Variants in DOK6 observed in about 807,000 individuals in gnomAD.
DOK6 encodes the protein downstream of tyrosine kinase 6.
In DOK6, 22 loss-of-function variants were observed where a neutral mutation model predicts 44.0. That is an observed-to-expected ratio of 0.50 (90% CI 0.36 to 0.71). The LOEUF is 0.71. Among genes scored for constraint, DOK6 ranks in the 30% least tolerant of loss-of-function variants. The pLI, the probability that DOK6 is intolerant of heterozygous loss-of-function variation, is 0.00. For synonymous variants in DOK6, 166 were observed against 145.5 expected, an observed-to-expected ratio of 1.14 and a Z score of -1.01; for missense variants, 340 against 416.4, an observed-to-expected ratio of 0.82 and a Z score of 1.60.
intron 5 of DOK6, among the ~76,000 whole-genome samples, chr18:69,723,530 A>G (rs547606169): frequency 2.0e-5 from 3 of 152,306 alleles, no homozygotes; most frequent in Non-Finnish European, 1.5e-5. Context: ...TCACAGTCTA[A>G]GAACAGGAAA....
intron 7 of DOK6, among the ~76,000 whole-genome samples, chr18:69,811,558 ATATATATATATATATATATC>A (rs1431055065): frequency 0.092 from 1,586 of 17,146 alleles, 62 homozygotes; most frequent in African/African-American, 0.13. Flanking sequence ...ATATATATAT[ATATATATATATATATATATC>A]AAAACACTAC....
At position 69,564,566 on chromosome 18, in the gene DOK6, A is replaced by C. The variant is rs1171179119; in HGVS notation, c.146A>C (p.Lys49Thr). ...PRRLEKFPDE[K>T]AAYFRNFHKV... ...AGGTTAGAAAAATTTCCAGATGAAAAGGCAGCTTATTTCAGAAACTTTCAT... is the reference window on the plus strand; with the variant it reads ...AGGTTAGAAAAATTTCCAGATGAAACGGCAGCTTATTTCAGAAACTTTCAT... The change falls in exon 2 of 8, where the codon AAG becomes ACG. Residue 49 changes from lysine to threonine, a missense_variant. Transcript: ENST00000382713. 1 of 1,613,814 alleles carries C rather than the reference A, an allele frequency of 6.2e-7. No individual in the cohort carries two copies.
intron 4 of DOK6, among the ~76,000 whole-genome samples, chr18:69,694,042 G>A (rs1031895405): frequency 8.8e-6 from 1 of 113,082 alleles, no homozygotes; most frequent in South Asian, 3.1e-4. Context: ...CTGGGCGACA[G>A]AGCGAGACTC....
At chr18:69,429,663 A>ATATC (rs5825937) in intron 1 of DOK6, among the ~76,000 whole-genome samples, 8 of 110,194 alleles carry the variant, frequency 7.3e-5, no homozygotes, top group Non-Finnish European at 1.2e-4. Context: ...ATATATATAT[A>ATATC]TCTTATTAAT....
At chr18:69,561,610 C>T (rs1982834040) in intron 1 of DOK6, among the ~76,000 whole-genome samples, 1 of 151,920 alleles carries the variant, frequency 6.6e-6, no homozygotes, top group Non-Finnish European at 1.5e-5. Context: ...TAATATAGTT[C>T]ATAATTTTCA....
intron 1 of DOK6, among the ~76,000 whole-genome samples, chr18:69,554,048 G>T (rs1019479453): frequency 6.6e-6 from 1 of 152,058 alleles, no homozygotes; most frequent in Non-Finnish European, 1.5e-5. Context: ...CAATAATAAG[G>T]AGAAAACCAA....
At position 69,807,360 on chromosome 18, in the gene DOK6, C is replaced by A. The variant is rs139835746; in HGVS notation, c.857-33884C>A. ...AGAATCGTTTAATCACAAAGGAAGACAACAAGAGATGAAGAACGCAGCAAA... is the reference window on the plus strand; with the variant it reads ...AGAATCGTTTAATCACAAAGGAAGAAAACAAGAGATGAAGAACGCAGCAAA... On this transcript the variant is annotated intron_variant, in intron 7 of 7. Coordinates refer to ENST00000382713, the MANE Select transcript of DOK6 (RefSeq NM_152721.6). Among the ~76,000 whole-genome samples, 1,244 of 151,850 alleles carry A rather than the reference C, an allele frequency of 8.2e-3. 7 individuals are homozygous for A. The highest frequency in any genetic ancestry group is 0.012 in the Non-Finnish European group (803 of 67,840).
intron 4 of DOK6, among the ~76,000 whole-genome samples, chr18:69,686,256 CCA>C (rs764190496): frequency 1.4e-4 from 21 of 152,098 alleles, no homozygotes; most frequent in Non-Finnish European, 2.8e-4. Flanking sequence ...TTTCTTTAAG[CCA>C]CCCAGTCTGT....
chr18:69,588,333 T>C (rs1170255031), intron 2 of DOK6, among the ~76,000 whole-genome samples: 1 of 152,218 alleles, frequency 6.6e-6, no homozygotes, highest in East Asian at 1.9e-4. Context: ...CAAGGTTGCT[T>C]GATTCGGTAA....
rs542735573 is a variant in DOK6, at chr18:69,535,359, T to G, written c.67-29128T>G. On this transcript the variant is annotated intron_variant, in intron 1 of 7. Transcript: ENST00000382713. ...TTGTTGCTGGTAGACAGGAAAGCAA[T>G]TGCTTTCTGCATATTCATGTTACGG... 3.3e-5 allele frequency among the ~76,000 whole-genome samples: 5 copies of G among 152,192 alleles called. No homozygotes were observed. In the South Asian group the frequency reaches 1.0e-3, roughly 32 times the overall value.
chr18:69,525,930 A>AAC (rs1292303082), intron 1 of DOK6, among the ~76,000 whole-genome samples: 1 of 152,068 alleles, frequency 6.6e-6, no homozygotes, highest in Non-Finnish European at 1.5e-5. Flanking sequence ...TGGCTCATGA[A>AAC]ACACACACAG....
At chr18:69,761,660 A>G (rs745882) in intron 7 of DOK6, among the ~76,000 whole-genome samples, 87,479 of 151,892 alleles carry the variant, frequency 0.58, 26,863 homozygotes, top group East Asian at 0.72. Context: ...TATCCAGCCA[A>G]GTCCAAGGGA....
chr18:69,526,043 A>C (rs957111860), intron 1 of DOK6, among the ~76,000 whole-genome samples: 1 of 152,098 alleles, frequency 6.6e-6, no homozygotes, highest in African/African-American at 2.4e-5. Context: ...ACATACTCCT[A>C]CATCCCTCAT....
chr18:69,550,208 A>ATGTTT (rs879694226), intron 1 of DOK6, among the ~76,000 whole-genome samples: 2,546 of 148,588 alleles, frequency 0.017, 48 homozygotes, highest in Middle Eastern at 0.035. Flanking sequence ...ACTAAGAAGC[A>ATGTTT]AAGCCATCAT....
intron 7 of DOK6, among the ~76,000 whole-genome samples, chr18:69,821,138 A>T (rs77749177): frequency 2.0e-3 from 300 of 152,316 alleles, no homozygotes; most frequent in African/African-American, 6.9e-3. Context: ...CCATGCTATG[A>T]AAATTGTATA....
chr18:69,466,355 G>T (rs574075721), intron 1 of DOK6, among the ~76,000 whole-genome samples: 68 of 151,774 alleles, frequency 4.5e-4, no homozygotes, highest in African/African-American at 1.4e-3. Context: ...CTTCTTTTTT[G>T]AAGGCTCAAT....
intron 1 of DOK6, among the ~76,000 whole-genome samples, chr18:69,486,148 G>A (rs1324336557): frequency 1.3e-5 from 2 of 151,696 alleles, no homozygotes; most frequent in East Asian, 3.9e-4. Context: ...ATTATTATAA[G>A]TAATAATGTC....
rs182039755 is a variant in DOK6, at chr18:69,699,986, C to T, written c.599+1393C>T. Among the ~76,000 whole-genome samples the T allele has an allele frequency of 1.1e-4, 16 of 151,970 alleles. No individual in the cohort carries two copies. The East Asian group carries it at 1.7e-3, about 17-fold the overall frequency. On this transcript the variant is annotated intron_variant, in intron 5 of 7. Coordinates refer to ENST00000382713, the MANE Select transcript of DOK6 (RefSeq NM_152721.6). ...AAGACACATCTCACATGGCAGCAGA[C>T]GAGAGAAGAGAATGAAGCCAAGTGA...
At chr18:69,708,843 G>T (rs1391488626) in intron 5 of DOK6, among the ~76,000 whole-genome samples, 2 of 150,820 alleles carry the variant, frequency 1.3e-5, no homozygotes, top group African/African-American at 4.9e-5. Flanking sequence ...TGTAACACAG[G>T]TATAAGAGAT....
Sources: gnomAD v4.1 joint callset for allele counts (sites outside exome capture counted in the v4.1 genomes callset) on GRCh38, gnomAD v4.1.1 for gene constraint, MANE v1.5 for transcripts, NCBI Gene and HGNC (gene_info 2026-07-23, HGNC 2026-07-21) for gene names.